AVIL: variants seen among roughly 807,000 people sequenced by gnomAD.
AVIL encodes the protein advillin.
AVIL carries 78 observed loss-of-function variants against 109.9 expected under a neutral mutation model. The observed-to-expected ratio is 0.71, with a 90% CI of 0.59 to 0.86. AVIL has a LOEUF of 0.86. Ranked by LOEUF, AVIL falls within the 40% of genes least tolerant of loss-of-function variation. The pLI is 0.00. For synonymous variants in AVIL, 367 were observed against 379.1 expected (o/e 0.97, Z 0.37); for missense variants, 892 against 1,016.5 (o/e 0.88, Z 1.67).
At chr12:57,808,982 C>G (rs1157228830) in intron 9 of AVIL, 1 of 185,368 alleles carries the variant, frequency 5.4e-6, no homozygotes, top group Non-Finnish European at 1.1e-5. Flanking sequence ...TCAGCAGGTA[C>G]TGTGTGCCAA....
intron 4 of AVIL, among the ~76,000 whole-genome samples, chr12:57,811,434 C>G (rs986027710): frequency 2.6e-5 from 4 of 152,166 alleles, no homozygotes; most frequent in Non-Finnish European, 5.9e-5. Context: ...GACAAAGACC[C>G]CTGCACCACA....
rs1595167379 is a variant in AVIL, at chr12:57,807,499, T to G, written c.1333-10A>C. ...GTGAGGCGTGGCGGCCCTGCAATGGTGAGAGGCCATGAAGGACCCATGCTC... is the reference window on the plus strand; with the variant it reads ...GTGAGGCGTGGCGGCCCTGCAATGGGGAGAGGCCATGAAGGACCCATGCTC... On this transcript the variant is annotated splice_polypyrimidine_tract_variant and intron_variant, in intron 12 of 19. Transcript: ENST00000549994. 3 of 1,614,152 alleles carry G rather than the reference T, an allele frequency of 1.9e-6. No individual in the cohort carries two copies. The highest frequency in any genetic ancestry group is 2.7e-5 in the African/African-American group (2 of 75,042).
In AVIL at chr12:57,801,137, G is replaced by T; in HGVS notation, c.2220+7C>A. 1 of 1,612,896 alleles carries T rather than the reference G, an allele frequency of 6.2e-7. No homozygotes were observed. The stretch of plus-strand genomic sequence containing the variant: ...GCTGGCTTCTCCCAAGAGCGAACCC[G>T]ACTCACAGCAGTGATTCGCATGATA... On this transcript the variant is annotated splice_region_variant and intron_variant, in intron 18 of 19. Coordinates refer to ENST00000549994, the MANE Select transcript of AVIL (RefSeq NM_006576.4).
Position 57,810,812 on chromosome 12 carries a change from A to G in AVIL, c.558+4T>C. On this transcript the variant is annotated splice_donor_region_variant and intron_variant, in intron 6 of 19. Coordinates refer to ENST00000549994, the MANE Select transcript of AVIL (RefSeq NM_006576.4). ...GAGAAAGTGCTAAGGCTAGGAAGCCATACCTTCAGGCGCTCCCCACTGTTG... is the reference window on the plus strand; with the variant it reads ...GAGAAAGTGCTAAGGCTAGGAAGCCGTACCTTCAGGCGCTCCCCACTGTTG... The G allele has an allele frequency of 1.2e-6, 2 of 1,613,750 alleles. No homozygotes were observed. Among genetic ancestry groups the G allele is most frequent in the Admixed American group, 3.3e-5 (2 of 60,026 alleles).
At chr12:57,811,187 A>G (rs973753543) in intron 4 of AVIL, 60 bp from the exon 5 acceptor site, 113 of 1,504,746 alleles carry the variant, frequency 7.5e-5, no homozygotes, top group Non-Finnish European at 9.9e-5. Context: ...CTGGGGAGAC[A>G]GTGGTGAATT....
Position 57,807,408 on chromosome 12 carries a change from C to G in AVIL, c.1414G>C (p.Val472Leu), listed in dbSNP as rs140328274. 3 of 1,614,238 alleles carry G rather than the reference C, an allele frequency of 1.9e-6. No individual in the cohort carries two copies. The East Asian group carries it at 6.7e-5, about 36-fold the overall frequency. ...GTTCCCATCCTGACTCGAACCTGCACAGCAGCCCCATCAAACTGCCGATCC... is the reference window on the plus strand; with the variant it reads ...GTTCCCATCCTGACTCGAACCTGCAGAGCAGCCCCATCAAACTGCCGATCC... Reference protein sequence around the residue: ...EVDRQFDGAAVQVRVRMGTEP... With the variant: ...EVDRQFDGAALQVRVRMGTEP... Residue 472 changes from valine to leucine, a missense_variant, in exon 13 of 20, where the codon GTG becomes CTG. Val to Leu is a conservative substitution (Grantham distance 32). Coordinates refer to ENST00000549994, the MANE Select transcript of AVIL (RefSeq NM_006576.4).
Position 57,803,313 on chromosome 12 carries a change from C to T in AVIL, c.1896G>A (p.Glu632=), listed in dbSNP as rs1226109207. 1.7e-5 allele frequency: 27 copies of T among 1,614,164 alleles called. No individual in the cohort carries two copies. Among genetic ancestry groups the T allele is most frequent in the Non-Finnish European group, 2.2e-5 (26 of 1,180,026 alleles). Residue 632 remains glutamate (E), a synonymous_variant, in exon 16 of 20, where the codon GAG becomes GAA. Coordinates refer to ENST00000549994, the MANE Select transcript of AVIL (RefSeq NM_006576.4). The part of the protein sequence containing the change: ...SNKTGQFVVT[E]ITDFTQDDLN... ...GGTCATCCTGGGTGAAGTCTGTGAT[C>T]TCAGTGACAACGAATTGGCCGGTCT...
intron 17 of AVIL, 174 bp from the exon 18 acceptor site, chr12:57,801,386 T>G (rs752171174): frequency 2.5e-5 from 13 of 525,966 alleles, no homozygotes; most frequent in Non-Finnish European, 4.1e-5. Flanking sequence ...TGAAAGGTGC[T>G]TAAACATAAC....
Position 57,813,088 on chromosome 12 carries a change from C to T in AVIL, c.338+139G>A, listed in dbSNP as rs138230737. 7,873 of 1,082,206 alleles carry T rather than the reference C, an allele frequency of 7.3e-3. 49 individuals are homozygous for T. The highest frequency in any genetic ancestry group is 8.0e-3 in the Non-Finnish European group (6,134 of 768,884). The allele number at this position is 1,082,206 out of a possible 1,614,324, so 67.0% of individuals were successfully genotyped here. On this transcript the variant is annotated intron_variant, in intron 4 of 19. Transcript: ENST00000549994. The stretch of plus-strand genomic sequence containing the variant: ...TGGCACCTCCCAGCTGTTTAATCTG[C>T]TGCTCTAGTGGGTGGAAGTGACAGC...
At chr12:57,801,084 G>T in intron 18 of AVIL, 60 bp downstream of exon 18, 1 of 1,406,536 alleles carries the variant, frequency 7.1e-7, no homozygotes, top group Non-Finnish European at 1.0e-6. Context: ...TAGCATTTGT[G>T]TGTTCTCTGG....
In AVIL at chr12:57,803,019, A is replaced by G. The variant is rs1875124; in HGVS notation, c.1962+228T>C. Reference sequence around the variant, plus strand: ...ATGATAGGATGGCTGGATTTTTCCAAAGCAAGGTGGGAAAATGCCCAGGAT... The same window carrying G: ...ATGATAGGATGGCTGGATTTTTCCAGAGCAAGGTGGGAAAATGCCCAGGAT... On this transcript the variant is annotated intron_variant, in intron 16 of 19. Transcript: ENST00000549994. Among the ~76,000 whole-genome samples the G allele has an allele frequency of 0.27, 40,386 of 152,124 alleles. 6,784 individuals carry two copies. Among genetic ancestry groups the G allele is most frequent in the East Asian group, 0.65 (3,366 of 5,170 alleles).
At position 57,801,127 on chromosome 12, in the gene AVIL, G is replaced by T. The variant is rs752426905; in HGVS notation, c.2220+17C>A. 1.2e-6 allele frequency: 2 copies of T among 1,612,210 alleles called. No homozygotes were observed. Among genetic ancestry groups the T allele is most frequent in the Admixed American group, 3.3e-5 (2 of 59,912 alleles). On this transcript the variant is annotated intron_variant, in intron 18 of 19. Transcript: ENST00000549994. ...TGCCCATGTGGCTGGCTTCTCCCAAGAGCGAACCCGACTCACAGCAGTGAT... is the reference window on the plus strand; with the variant it reads ...TGCCCATGTGGCTGGCTTCTCCCAATAGCGAACCCGACTCACAGCAGTGAT...
In AVIL at chr12:57,798,109, A is replaced by G. The variant is rs1351967761; in HGVS notation, c.2347-114T>C. On this transcript the variant is annotated intron_variant, in intron 19 of 19. Transcript: ENST00000549994. ...TAGGTGGATCCTTGAAGAGGGAAGT[A>G]GAATGAATTTCTCAGAAAGGCTGTT... 22 of 577,384 alleles carry G rather than the reference A, an allele frequency of 3.8e-5. No individual in the cohort carries two copies. The East Asian group carries it at 7.2e-4, about 19-fold the overall frequency. 35.8% of individuals were successfully genotyped at this position (577,384 alleles called of 1,614,324 possible).
At chr12:57,801,307 C>T in intron 17 of AVIL, 95 bp from the exon 18 acceptor site, 1 of 972,852 alleles carries the variant, frequency 1.0e-6, no homozygotes, top group South Asian at 1.5e-5. Flanking sequence ...AGCAAAAGAG[C>T]CAGGGAGTCA....
intron 1 of AVIL, among the ~76,000 whole-genome samples, chr12:57,817,710 C>T (rs1956114838): frequency 6.6e-6 from 1 of 152,172 alleles, no homozygotes; most frequent in African/African-American, 2.4e-5. Context: ...GAGGCTGAAA[C>T]CTGTCCCGTT....
chr12:57,803,796 G>T, intron 14 of AVIL, 127 bp from the exon 15 acceptor site: 1 of 1,294,024 alleles, frequency 7.7e-7, no homozygotes, highest in Non-Finnish European at 1.0e-6. Flanking sequence ...CCCTCAGCCT[G>T]GGAAGACAGA....
intron 4 of AVIL, 104 bp downstream of exon 4, chr12:57,813,123 A>G (rs1956057803): frequency 7.2e-7 from 1 of 1,380,238 alleles, no homozygotes; most frequent in Admixed American, 2.1e-5. Flanking sequence ...CTTTGTTTTG[A>G]TTTGCATTTC....
intron 13 of AVIL, 70 bp downstream of exon 13, chr12:57,807,261 A>G (rs1029238058): frequency 3.0e-5 from 48 of 1,606,820 alleles, no homozygotes; most frequent in Admixed American, 1.8e-4. Flanking sequence ...CTGCTCTCCA[A>G]TAGTCCTGTG....
Position 57,807,775 on chromosome 12 carries a change from G to A in AVIL, c.1195-48C>T, listed in dbSNP as rs765025271. On this transcript the variant is annotated intron_variant, in intron 11 of 19. Coordinates refer to ENST00000549994, the MANE Select transcript of AVIL (RefSeq NM_006576.4). ...TTTTCCAGAGATGGGGGTGCTGAGA[G>A]GGGCTAGGCCACACTAAAGAGAGAA... 2.5e-6 allele frequency: 4 copies of A among 1,612,208 alleles called. No individual in the cohort carries two copies. The South Asian group carries it at 4.4e-5, about 18-fold the overall frequency.
Sources: allele counts gnomAD v4.1 joint callset (sites outside exome capture counted in the v4.1 genomes callset), GRCh38; gene constraint gnomAD v4.1.1; transcripts MANE v1.5; gene names NCBI Gene and HGNC (gene_info 2026-07-23, HGNC 2026-07-21).